The following ICE2 variants were observed in gnomAD, a reference collection of about 807,000 sequenced individuals.
The protein encoded by ICE2 is interactor of little elongation complex ELL subunit 2, also known as little elongation complex subunit 2.
ICE2 carries 87 observed loss-of-function variants against 105.4 expected under a neutral mutation model. The observed-to-expected ratio is 0.83, with a 90% confidence interval of 0.69 to 0.99. The LOEUF (loss-of-function observed/expected upper bound fraction) is 0.99. Ranked by LOEUF, ICE2 falls within the 50% of genes least tolerant of loss-of-function variation. ICE2 has a pLI of 0.00. For missense variants in ICE2, 1,323 were observed against 1,146.7 expected, an observed-to-expected ratio of 1.15 and a Z score of -2.22; for synonymous variants, 399 against 392.0, an observed-to-expected ratio of 1.02 and a Z score of -0.21.
In ICE2 at chr15:60,422,499, C is replaced by T. The variant is rs770828817; in HGVS notation, c.*1135G>A. On this transcript the variant is annotated 3_prime_UTR_variant, in exon 16 of 16. Transcript: ENST00000261520. ...TTATGCCCTTTTCCAAATTCATCTG[C>T]AGGCCCGGAAAATTTAAATCAATCA... The T allele has an allele frequency of 1.3e-5, 2 of 152,086 alleles. No homozygotes were observed. Among genetic ancestry groups the T allele is most frequent in the African/African-American group, 2.4e-5 (1 of 41,398 alleles). The allele number at this position is 152,086 out of a possible 1,614,324, so 9.4% of individuals were successfully genotyped here.
intron 11 of ICE2, among the ~76,000 whole-genome samples, chr15:60,446,150 T>C (rs375144723): frequency 6.6e-6 from 1 of 152,234 alleles, no homozygotes; most frequent in Non-Finnish European, 1.5e-5. Context: ...ATTTGGTTTC[T>C]AAAATTTCAA....
intron 15 of ICE2, among the ~76,000 whole-genome samples, chr15:60,424,918 T>C (rs548400223): frequency 6.6e-6 from 1 of 152,212 alleles, no homozygotes; most frequent in East Asian, 1.9e-4. Flanking sequence ...CAAAGCTGTA[T>C]AGCCTGAAAC....
intron 5 of ICE2, among the ~76,000 whole-genome samples, chr15:60,462,343 A>G (rs945972513): frequency 1.3e-5 from 2 of 152,212 alleles, no homozygotes; most frequent in Non-Finnish European, 2.9e-5. Context: ...GATCAATTAT[A>G]AAACATGGTG....
rs985911121 is a variant in ICE2, at chr15:60,476,372, A to G, written c.42-205T>C. Among the ~76,000 whole-genome samples the G allele has an allele frequency of 6.6e-5, 10 of 152,292 alleles. No homozygotes were observed. In the East Asian group the frequency reaches 1.3e-3, roughly 21 times the overall value. On this transcript the variant is annotated intron_variant, in intron 2 of 15. Transcript: ENST00000261520. ...CTTGGATAGCTTTAAACCCAGGCCC[A>G]TTATGGAATTCTCCAGCTCCAATAA...
intron 6 of ICE2, among the ~76,000 whole-genome samples, chr15:60,455,807 G>A (rs560857592): frequency 1.3e-5 from 2 of 152,154 alleles, no homozygotes; most frequent in East Asian, 1.9e-4. Context: ...TAGTAGGAAC[G>A]GGGTTTCGTC....
rs114131157 is a variant in ICE2 at position 60,461,790 on chromosome 15, T to C, written c.528+4804A>G. Among the ~76,000 whole-genome samples the C allele has an allele frequency of 5.1e-3, 771 of 152,300 alleles. 7 individuals carry two copies. Among genetic ancestry groups the C allele is most frequent in the African/African-American group, 0.018 (741 of 41,562 alleles). ...CCCAGGAGCATCCATAGTGCCCAGA[T>C]TGTAGTCTTGAAATATCATTTCACA... On this transcript the variant is annotated intron_variant, in intron 5 of 15. Transcript: ENST00000261520.
At chr15:60,424,278 GA>G (rs1257634857) in intron 15 of ICE2, among the ~76,000 whole-genome samples, 2 of 150,534 alleles carry the variant, frequency 1.3e-5, no homozygotes, top group Non-Finnish European at 2.9e-5. Context: ...AAGAAAAAGG[GA>G]AGTAAAAAAA....
Position 60,428,677 on chromosome 15 carries a change from C to T in ICE2, c.2572G>A (p.Gly858Ser). The change falls in exon 15 of 16, where the codon GGT (glycine) becomes AGT (serine). Residue 858 changes from glycine (G) to serine (S), a missense_variant. Coordinates refer to ENST00000261520, the MANE Select transcript of ICE2 (RefSeq NM_024611.6). ...ILKKLSSLQE[G>S]SYLLSHAAED... ...GCTGCATGAGATAACAAGTAGGAACCCTCCTGCAAGCTAAATTCACACAAT... is the reference window on the plus strand; with the variant it reads ...GCTGCATGAGATAACAAGTAGGAACTCTCCTGCAAGCTAAATTCACACAAT... 6.2e-7 allele frequency: 1 copy of T among 1,612,988 alleles called. No homozygotes were observed. Among genetic ancestry groups the T allele is most frequent in the Non-Finnish European group, 8.5e-7 (1 of 1,179,174 alleles).
intron 3 of ICE2, among the ~76,000 whole-genome samples, chr15:60,470,720 C>T (rs898915304): frequency 1.3e-5 from 2 of 152,116 alleles, no homozygotes; most frequent in African/African-American, 4.8e-5. Flanking sequence ...GAACTGTATT[C>T]ATTTTAACTG....
At position 60,456,767 on chromosome 15, in the gene ICE2, C is replaced by G; in HGVS notation, c.556G>C (p.Val186Leu). The part of the protein sequence containing the change: ...EKILRACIEQ[V>L]KKYSEFYTLH... ...GTATAGAATTCTGAATACTTTTTCA[C>G]TTGTTCAATGCAAGCTCTTAAAATT... The change falls in exon 6 of 16, where the codon GTG (valine) becomes CTG (leucine). Residue 186 changes from valine (V) to leucine (L), a missense_variant. Coordinates refer to ENST00000261520, the MANE Select transcript of ICE2 (RefSeq NM_024611.6). 1 of 1,517,310 alleles carries G rather than the reference C, an allele frequency of 6.6e-7. No individual in the cohort carries two copies. The highest frequency in any genetic ancestry group is 1.3e-5 in the South Asian group (1 of 74,926). 94.0% of individuals were successfully genotyped at this position (1,517,310 alleles called of 1,614,324 possible).
At chr15:60,445,892 A>C (rs2063812247) in intron 11 of ICE2, 5 of 485,746 alleles carry the variant, frequency 1.0e-5, no homozygotes, top group Non-Finnish European at 1.3e-5. Flanking sequence ...AATCAAAGAA[A>C]TAAAACCTTG....
intron 13 of ICE2, among the ~76,000 whole-genome samples, chr15:60,434,520 TACACACACACACACAC>T (rs71122858): frequency 2.0e-3 from 293 of 144,926 alleles, no homozygotes; most frequent in South Asian, 0.015. Context: ...AAAATGTGAT[TACACACACACACACAC>T]ACACACACAC....
Position 60,456,801 on chromosome 15 carries a change from A to C in ICE2, c.529-7T>G, listed in dbSNP as rs753231865. ...TGCAAGCTCTTAAAATTTTCTGAGA[A>C]ACAGAAATTAAGAAAAATTCATTTG... On this transcript the variant is annotated splice_region_variant and splice_polypyrimidine_tract_variant and intron_variant, in intron 5 of 15. Coordinates refer to ENST00000261520, the MANE Select transcript of ICE2 (RefSeq NM_024611.6). 3.6e-5 allele frequency: 52 copies of C among 1,453,534 alleles called. No homozygotes were observed. Among genetic ancestry groups the C allele is most frequent in the Non-Finnish European group, 4.5e-5 (49 of 1,090,544 alleles). 90.0% of individuals were successfully genotyped at this position (1,453,534 alleles called of 1,614,324 possible). A position where few individuals can be genotyped will look rare whatever the true frequency, so the allele number is the denominator to read the frequency against.
chr15:60,427,394 G>A (rs1021771115), intron 15 of ICE2, among the ~76,000 whole-genome samples: 24 of 152,168 alleles, frequency 1.6e-4, no homozygotes, highest in Non-Finnish European at 2.9e-5. Context: ...CACATTCAGA[G>A]TCATTTGTAG....
chr15:60,464,850 T>TA (rs755710435), intron 5 of ICE2, among the ~76,000 whole-genome samples: 3 of 152,224 alleles, frequency 2.0e-5, no homozygotes, highest in Admixed American at 6.5e-5. Flanking sequence ...GCCCTGTATC[T>TA]AAAAAAAGTT....
At chr15:60,460,433 G>C (rs956604397) in intron 5 of ICE2, among the ~76,000 whole-genome samples, 1 of 152,220 alleles carries the variant, frequency 6.6e-6, no homozygotes, top group Non-Finnish European at 1.5e-5. Context: ...GCGAGGGAGA[G>C]GATGCAGTGA....
At chr15:60,458,834 T>C (rs921237895) in intron 5 of ICE2, among the ~76,000 whole-genome samples, 12 of 152,130 alleles carry the variant, frequency 7.9e-5, no homozygotes, top group Non-Finnish European at 1.5e-4. Flanking sequence ...GAGGACATTA[T>C]GCTAAGTGAA....
chr15:60,437,776 T>C (rs570467497), intron 12 of ICE2: 3 of 151,776 alleles, frequency 2.0e-5, no homozygotes, highest in Admixed American at 2.0e-4. Context: ...CTTAGCCTCC[T>C]GAGTAGCTAA....
At chr15:60,428,342 G>C (rs555319122) in intron 15 of ICE2, 87 bp downstream of exon 15, 1 of 1,356,958 alleles carries the variant, frequency 7.4e-7, no homozygotes, top group Non-Finnish European at 1.0e-6. Flanking sequence ...ATGACAATGA[G>C]AACATCAGGG....
Sources: gnomAD v4.1 joint callset for allele counts (sites outside exome capture counted in the v4.1 genomes callset) on GRCh38, gnomAD v4.1.1 for gene constraint, MANE v1.5 for transcripts, NCBI Gene and HGNC (gene_info 2026-07-23, HGNC 2026-07-21) for gene names.